Variants in DLC1 observed in about 807,000 individuals in gnomAD.
DLC1 encodes the protein rho GTPase-activating protein 7.
A neutral mutation model predicts 140.3 loss-of-function variants in DLC1; 54 were observed. The observed-to-expected ratio is 0.38, with a 90% CI of 0.31 to 0.48. The LOEUF (loss-of-function observed/expected upper bound fraction) is 0.48, where lower values mean the gene tolerates loss of function less well. DLC1 is among the 20% of genes least tolerant of loss of function. DLC1 has a pLI of 0.96. For synonymous variants in DLC1, 986 were observed against 728.1 expected, an observed-to-expected ratio of 1.35 and a Z score of -5.70; for missense variants, 2,536 against 1,907.0, an observed-to-expected ratio of 1.33 and a Z score of -6.14.
chr8:13,529,090 C>T (rs561163313), intron 1 of DLC1, among the ~76,000 whole-genome samples: 20 of 152,144 alleles, frequency 1.3e-4, no homozygotes, highest in African/African-American at 3.9e-4. Flanking sequence ...AAAAAACATA[C>T]GATGTATAAG....
intron 5 of DLC1, among the ~76,000 whole-genome samples, chr8:13,121,793 T>A (rs1821097989): frequency 6.6e-6 from 1 of 151,968 alleles, no homozygotes; most frequent in South Asian, 2.1e-4. Context: ...GCTCAGGCAA[T>A]CCTCCTGCCT....
chr8:13,199,177 C>CTTTTTTTT (rs71207132), intron 5 of DLC1, among the ~76,000 whole-genome samples: 156 of 93,246 alleles, frequency 1.7e-3, no homozygotes, highest in Non-Finnish European at 2.3e-3. Context: ...TTCTCTTTTT[C>CTTTTTTTT]TTTTTTTTTT....
intron 2 of DLC1, among the ~76,000 whole-genome samples, chr8:13,475,732 G>A (rs901722089): frequency 6.6e-6 from 1 of 152,160 alleles, no homozygotes; most frequent in African/African-American, 2.4e-5. Flanking sequence ...ACATACTAAG[G>A]ACTGAGGTAC....
chr8:13,232,358 G>C (rs926835061), intron 5 of DLC1, among the ~76,000 whole-genome samples: 1 of 151,582 alleles, frequency 6.6e-6, no homozygotes, highest in African/African-American at 2.4e-5. Context: ...TTTTGAGACA[G>C]AATCTTGCCC....
At chr8:13,262,754 C>G (rs1830514949) in intron 5 of DLC1, among the ~76,000 whole-genome samples, 1 of 152,112 alleles carries the variant, frequency 6.6e-6, no homozygotes, top group Admixed American at 6.5e-5. Context: ...AGATAACATT[C>G]AAACATAATG....
chr8:13,124,396 G>C (rs550990925), intron 5 of DLC1, among the ~76,000 whole-genome samples: 1 of 152,182 alleles, frequency 6.6e-6, no homozygotes, highest in Non-Finnish European at 1.5e-5. Context: ...CAGAAGTGTT[G>C]GGAGGAATGC....
chr8:13,209,696 G>A (rs1827845422), intron 5 of DLC1, among the ~76,000 whole-genome samples: 1 of 152,020 alleles, frequency 6.6e-6, no homozygotes, highest in African/African-American at 2.4e-5. Context: ...GAGTTCTTAT[G>A]AGATCTGGCC....
chr8:13,283,289 C>A (rs1223161959), intron 5 of DLC1, among the ~76,000 whole-genome samples: 3 of 146,340 alleles, frequency 2.1e-5, no homozygotes, highest in African/African-American at 7.8e-5. Context: ...AGGGATCCTA[C>A]TGAAACACAC....
chr8:13,086,136 C>G, intron 17 of DLC1, 154 bp downstream of exon 17: 1 of 1,333,806 alleles, frequency 7.5e-7, no homozygotes, highest in Non-Finnish European at 1.0e-6. Flanking sequence ...GCTGAAAGAC[C>G]AACAAACATG....
At chr8:13,247,878 A>G (rs1829831710) in intron 5 of DLC1, among the ~76,000 whole-genome samples, 1 of 152,228 alleles carries the variant, frequency 6.6e-6, no homozygotes, top group East Asian at 1.9e-4. Flanking sequence ...GCTATCCATA[A>G]CCGCTCAAAG....
chr8:13,139,288 C>CAAAAAA (rs67684524), intron 5 of DLC1, among the ~76,000 whole-genome samples: 58 of 49,246 alleles, frequency 1.2e-3, no homozygotes, highest in East Asian at 3.1e-3. Context: ...GACCCTGTCT[C>CAAAAAA]AAAAAAAAAA....
chr8:13,289,024 G>C (rs138149020), intron 5 of DLC1, among the ~76,000 whole-genome samples: 1 of 152,248 alleles, frequency 6.6e-6, no homozygotes, highest in African/African-American at 2.4e-5. Flanking sequence ...GGTGCTCTGT[G>C]TGTGACACCA....
intron 1 of DLC1, among the ~76,000 whole-genome samples, chr8:13,593,895 G>T (rs1237909367): frequency 6.6e-6 from 1 of 152,104 alleles, no homozygotes; most frequent in African/African-American, 2.4e-5. Context: ...GGTAAAATTA[G>T]AATACTGTGA....
intron 4 of DLC1, among the ~76,000 whole-genome samples, chr8:13,347,973 C>A (rs1053562530): frequency 6.6e-6 from 1 of 152,052 alleles, no homozygotes; most frequent in African/African-American, 2.4e-5. Context: ...CCTGTAGTCC[C>A]AGCTACTTGG....
intron 1 of DLC1, among the ~76,000 whole-genome samples, chr8:13,598,986 T>A (rs1585318244): frequency 6.6e-6 from 1 of 151,858 alleles, no homozygotes; most frequent in South Asian, 2.1e-4. Context: ...AGAAAAATAA[T>A]GGCATTAATT....
chr8:13,421,866 C>G (rs1454958), intron 2 of DLC1, among the ~76,000 whole-genome samples: 89,105 of 151,868 alleles, frequency 0.59, 26,982 homozygotes, highest in Middle Eastern at 0.69. Context: ...GCACAGGGAA[C>G]AGAAATTTTT....
chr8:13,201,601 A>T (rs1454780662), intron 5 of DLC1, among the ~76,000 whole-genome samples: 1 of 152,072 alleles, frequency 6.6e-6, no homozygotes, highest in Non-Finnish European at 1.5e-5. Flanking sequence ...TTATTTAAGT[A>T]CTATTGCAAT....
chr8:13,093,406 TAATA>T (rs1818249312), intron 12 of DLC1, among the ~76,000 whole-genome samples: 1 of 152,118 alleles, frequency 6.6e-6, no homozygotes, highest in Admixed American at 6.5e-5. Flanking sequence ...TCAGTTCAAT[TAATA>T]AATAAAACAC....
At chr8:13,168,612 T>C (rs1405332146) in intron 5 of DLC1, among the ~76,000 whole-genome samples, 1 of 152,226 alleles carries the variant, frequency 6.6e-6, no homozygotes, top group Non-Finnish European at 1.5e-5. Context: ...ACACAGTATC[T>C]TTTGTCTTTT....
Sources: allele counts gnomAD v4.1 joint callset (sites outside exome capture counted in the v4.1 genomes callset), GRCh38; gene constraint gnomAD v4.1.1; transcripts MANE v1.5; gene names NCBI Gene and HGNC (gene_info 2026-07-23, HGNC 2026-07-21).